Variants in PHYH observed in about 807,000 individuals in gnomAD.
PHYH encodes the protein phytanoyl-CoA 2-hydroxylase, also known as phytanoyl-CoA dioxygenase, peroxisomal.
A neutral mutation model predicts 38.5 loss-of-function variants in PHYH; 32 were observed. That is an observed-to-expected ratio of 0.83 (90% CI 0.63 to 1.12). PHYH has a LOEUF of 1.12. PHYH is among the 50% of genes most tolerant of loss of function. The pLI is 0.00. For missense variants in PHYH, 426 were observed against 434.8 expected, an observed-to-expected ratio of 0.98 and a Z score of 0.18; for synonymous variants, 166 against 157.9, an observed-to-expected ratio of 1.05 and a Z score of -0.38.
chr10:13,287,387 T>G (rs550117491), intron 6 of PHYH, among the ~76,000 whole-genome samples: 1 of 152,210 alleles, frequency 6.6e-6, no homozygotes, highest in African/African-American at 2.4e-5. Context: ...TCTTCGATCT[T>G]CCTAAAAGTT....
intron 4 of PHYH, among the ~76,000 whole-genome samples, chr10:13,293,154 C>G (rs1297120562): frequency 6.6e-6 from 1 of 152,024 alleles, no homozygotes; most frequent in East Asian, 1.9e-4. Context: ...TTTATAAAGC[C>G]TGGTATTTTT....
intron 1 of PHYH, 136 bp from the exon 2 acceptor site, chr10:13,298,381 A>G (rs1832634082): frequency 3.2e-6 from 2 of 616,764 alleles, no homozygotes; most frequent in Admixed American, 2.3e-5. Flanking sequence ...AGCCTGGCCA[A>G]CATGGTGAAA....
At chr10:13,294,156 C>A (rs1044146727) in intron 4 of PHYH, among the ~76,000 whole-genome samples, 2 of 152,112 alleles carry the variant, frequency 1.3e-5, no homozygotes, top group South Asian at 4.1e-4. Flanking sequence ...GAGCCGAGAT[C>A]GCACCACTGC....
chr10:13,288,509 C>A lies in PHYH; in HGVS notation c.529G>T (p.Asp177Tyr). The A allele has an allele frequency of 1.2e-6, 2 of 1,614,132 alleles. No homozygotes were observed. Among genetic ancestry groups the A allele is most frequent in the South Asian group, 2.2e-5 (2 of 91,076 alleles). The change falls in exon 6 of 9, where the codon GAC becomes TAC. Residue 177 changes from aspartate to tyrosine, a missense_variant. Coordinates refer to ENST00000263038, the MANE Select transcript of PHYH (RefSeq NM_006214.4). ...KKTSRHPLHQDLHYFPFRPSD... is the reference protein window; with the variant it reads ...KKTSRHPLHQYLHYFPFRPSD... ...GGCCTGAAGGGGAAATAGTGCAGGT[C>A]CTGGTGCAGGGGGTGACGGGACGTC...
At chr10:13,282,821 A>G (rs1027261043) in intron 7 of PHYH, among the ~76,000 whole-genome samples, 15 of 152,158 alleles carry the variant, frequency 9.9e-5, no homozygotes, top group Non-Finnish European at 1.8e-4. Context: ...AAATGTTACT[A>G]AACTCGATTG....
At chr10:13,296,202 G>A (rs505081) in intron 2 of PHYH, among the ~76,000 whole-genome samples, 74,091 of 151,688 alleles carry the variant, frequency 0.49, 19,197 homozygotes, top group East Asian at 0.72. Context: ...CAAGAACCTA[G>A]GAAACGTTCA....
chr10:13,278,479 T>A (rs1835341810), intron 8 of PHYH, 125 bp from the exon 9 acceptor site: 1 of 734,208 alleles, frequency 1.4e-6, no homozygotes, highest in South Asian at 1.5e-5. Context: ...GGGAAAATAA[T>A]CCCTGTAAGT....
intron 8 of PHYH, 138 bp downstream of exon 8, chr10:13,280,838 G>A: frequency 1.2e-6 from 1 of 816,118 alleles, no homozygotes; most frequent in Non-Finnish European, 2.0e-6. Context: ...CATTTTTGGT[G>A]GGGGCTCAGC....
intron 2 of PHYH, 32 bp downstream of exon 2, chr10:13,298,155 T>C: frequency 1.4e-6 from 2 of 1,384,276 alleles, no homozygotes; most frequent in Non-Finnish European, 1.0e-6. Flanking sequence ...ATATACATAA[T>C]ATATTTCAAA....
At chr10:13,295,195 G>GGTGCA (rs1588516682) in intron 3 of PHYH, 1 of 367,722 alleles carries the variant, frequency 2.7e-6, no homozygotes, top group East Asian at 6.1e-5. Flanking sequence ...TGGGTATGGT[G>GGTGCA]GTGCACAACT....
At chr10:13,288,760 A>G (rs1380196874) in intron 5 of PHYH, among the ~76,000 whole-genome samples, 1 of 151,458 alleles carries the variant, frequency 6.6e-6, no homozygotes, top group Non-Finnish European at 1.5e-5. Context: ...AACAAAAACA[A>G]CTAGCCGGGT....
At chr10:13,298,280 T>A (rs761556479) in intron 1 of PHYH, 35 bp from the exon 2 acceptor site, 12 of 1,420,584 alleles carry the variant, frequency 8.4e-6, no homozygotes, top group Non-Finnish European at 1.2e-5. Context: ...AAGTAAAATA[T>A]AGAAGGCCAG....
intron 8 of PHYH, among the ~76,000 whole-genome samples, chr10:13,278,636 C>T (rs957833507): frequency 1.3e-5 from 2 of 152,060 alleles, no homozygotes; most frequent in Non-Finnish European, 2.9e-5. Flanking sequence ...TCAAGCGACT[C>T]TCCTGCCTCA....
In PHYH at chr10:13,278,372, C is replaced by T; in HGVS notation, c.964-18G>A. On this transcript the variant is annotated intron_variant, in intron 8 of 8. Transcript: ENST00000263038. Reference sequence around the variant, plus strand: ...CAAATATCCTGGAAATAATATCAAACAGAGTGGGTTTATGGAACACTTCAA... The same window carrying T: ...CAAATATCCTGGAAATAATATCAAATAGAGTGGGTTTATGGAACACTTCAA... 6.3e-7 allele frequency: 1 copy of T among 1,596,622 alleles called. No individual in the cohort carries two copies. Among genetic ancestry groups the T allele is most frequent in the Non-Finnish European group, 8.6e-7 (1 of 1,164,166 alleles).
At chr10:13,291,186 T>G (rs1367599215) in intron 5 of PHYH, among the ~76,000 whole-genome samples, 1 of 151,254 alleles carries the variant, frequency 6.6e-6, no homozygotes, top group Non-Finnish European at 1.5e-5. Flanking sequence ...AATAATAATG[T>G]CTTCCTATCA....
intron 5 of PHYH, among the ~76,000 whole-genome samples, chr10:13,290,025 T>C (rs1002276082): frequency 1.6e-4 from 23 of 147,742 alleles, no homozygotes; most frequent in African/African-American, 5.7e-4. Context: ...TCCCAGCACT[T>C]TGGGAGGCTG....
intron 7 of PHYH, among the ~76,000 whole-genome samples, chr10:13,283,254 C>G (rs113477717): frequency 6.6e-6 from 1 of 151,542 alleles, no homozygotes; most frequent in Admixed American, 6.6e-5. Flanking sequence ...CTCAGCCTCC[C>G]GAGTAGCTGG....
chr10:13,290,500 C>A (rs1364542744), intron 5 of PHYH, among the ~76,000 whole-genome samples: 1 of 139,926 alleles, frequency 7.1e-6, no homozygotes, highest in Non-Finnish European at 1.5e-5. Context: ...ACCCCTCCTG[C>A]AGATCAGAAG....
intron 4 of PHYH, among the ~76,000 whole-genome samples, chr10:13,293,859 C>T (rs187601992): frequency 7.2e-5 from 11 of 151,944 alleles, no homozygotes; most frequent in African/African-American, 2.4e-4. Context: ...ATAATTTATA[C>T]CTCCTAAAAT....
Sources: allele counts gnomAD v4.1 joint callset (sites outside exome capture counted in the v4.1 genomes callset), GRCh38; gene constraint gnomAD v4.1.1; transcripts MANE v1.5; gene names NCBI Gene and HGNC (gene_info 2026-07-23, HGNC 2026-07-21).